Variants in ARHGAP28 observed in about 807,000 individuals in gnomAD.
ARHGAP28 encodes the protein Rho GTPase activating protein 28, also known as rho GTPase-activating protein 28.
ARHGAP28 carries 56 observed loss-of-function variants against 90.7 expected under a neutral mutation model. The observed-to-expected ratio is 0.62, with a 90% CI of 0.50 to 0.77. The LOEUF (loss-of-function observed/expected upper bound fraction) is 0.77. Ranked by LOEUF, ARHGAP28 falls within the 30% of genes least tolerant of loss-of-function variation. The probability of loss-of-function intolerance (pLI) is 0.00; values close to 1 mark genes in which losing one functional copy is unlikely to be tolerated. For missense variants in ARHGAP28, 869 were observed against 900.9 expected, an observed-to-expected ratio of 0.96 and a Z score of 0.45; for synonymous variants, 308 against 323.3, an observed-to-expected ratio of 0.95 and a Z score of 0.51.
intron 2 of ARHGAP28, among the ~76,000 whole-genome samples, chr18:6,826,683 C>CTTTTTTTTTTTTTT (rs36069648): frequency 2.3e-5 from 2 of 88,262 alleles, no homozygotes; most frequent in Non-Finnish European, 2.0e-5. Flanking sequence ...GGATTTTGAG[C>CTTTTTTTTTTTTTT]TTTTTTTTTT....
chr18:6,796,827 CAT>C (rs200173634), intron 1 of ARHGAP28, among the ~76,000 whole-genome samples: 6 of 152,096 alleles, frequency 3.9e-5, no homozygotes, highest in African/African-American at 1.2e-4. Context: ...TGTGTACACA[CAT>C]ACACACACTT....
At chr18:6,901,899 ACT>A (rs1322555146) in intron 16 of ARHGAP28, among the ~76,000 whole-genome samples, 3 of 152,224 alleles carry the variant, frequency 2.0e-5, no homozygotes, top group South Asian at 4.2e-4. Context: ...AGCAGGAGAA[ACT>A]CTGCCATGCC....
chr18:6,808,759 A>G (rs1481863292), intron 1 of ARHGAP28, among the ~76,000 whole-genome samples: 1 of 152,174 alleles, frequency 6.6e-6, no homozygotes, highest in African/African-American at 2.4e-5. Context: ...TCCACTTGAT[A>G]TATATATTTT....
At chr18:6,797,628 A>C (rs781768092) in intron 1 of ARHGAP28, among the ~76,000 whole-genome samples, 3 of 151,728 alleles carry the variant, frequency 2.0e-5, no homozygotes, top group Admixed American at 6.6e-5. Flanking sequence ...GGAACTAGAG[A>C]ACAGTGATTA....
At chr18:6,751,142 G>A (rs1438973780) in intron 1 of ARHGAP28, among the ~76,000 whole-genome samples, 2 of 152,158 alleles carry the variant, frequency 1.3e-5, no homozygotes, top group East Asian at 3.9e-4. Context: ...GGCAATGTAT[G>A]ATTTTTTTTA....
In ARHGAP28 at chr18:6,836,393, G is replaced by A. The variant is rs74637286; in HGVS notation, c.326-804G>A. Among the ~76,000 whole-genome samples the A allele has an allele frequency of 3.3e-5, 5 of 152,062 alleles. No homozygotes were observed. In the South Asian group the frequency reaches 1.0e-3, roughly 32 times the overall value. ...TAGGATCCAAGCATTACCCAAGCAGGTTTCCCACCAGGAGTCCTAATTGGT... is the reference window on the plus strand; with the variant it reads ...TAGGATCCAAGCATTACCCAAGCAGATTTCCCACCAGGAGTCCTAATTGGT... On this transcript the variant is annotated intron_variant, in intron 2 of 17. Transcript: ENST00000383472.
At chr18:6,752,747 A>T (rs374526968) in intron 1 of ARHGAP28, among the ~76,000 whole-genome samples, 10 of 152,218 alleles carry the variant, frequency 6.6e-5, no homozygotes, top group East Asian at 3.9e-4. Flanking sequence ...CTCTCAGCTT[A>T]AGAGTATGGA....
At chr18:6,854,538 A>G (rs1567971307) in intron 4 of ARHGAP28, among the ~76,000 whole-genome samples, 1 of 152,128 alleles carries the variant, frequency 6.6e-6, no homozygotes, top group Non-Finnish European at 1.5e-5. Context: ...AAGAGCACAT[A>G]TTGGATGCTT....
intron 1 of ARHGAP28, among the ~76,000 whole-genome samples, chr18:6,757,895 C>T (rs1179231613): frequency 3.3e-5 from 5 of 152,082 alleles, no homozygotes; most frequent in Non-Finnish European, 5.9e-5. Context: ...CAGCACTGCC[C>T]CAGAAGATAA....
chr18:6,888,380 G>A (rs1254312904), intron 12 of ARHGAP28, among the ~76,000 whole-genome samples: 2 of 152,074 alleles, frequency 1.3e-5, no homozygotes, highest in African/African-American at 2.4e-5. Flanking sequence ...TTTGAGGCCA[G>A]TAAACATAAT....
At chr18:6,773,634 C>G (rs963917860) in intron 1 of ARHGAP28, among the ~76,000 whole-genome samples, 1 of 152,156 alleles carries the variant, frequency 6.6e-6, no homozygotes, top group Non-Finnish European at 1.5e-5. Context: ...CGTGGTTTCT[C>G]TCTGCATTGC....
intron 3 of ARHGAP28, among the ~76,000 whole-genome samples, chr18:6,841,163 CTCTCCTCTCTCT>C: frequency 1.0e-5 from 1 of 95,518 alleles, no homozygotes; most frequent in Non-Finnish European, 2.3e-5. Flanking sequence ...CTCTTTCTCT[CTCTCCTCTCTCT>C]CTCTCCTCTC....
intron 1 of ARHGAP28, among the ~76,000 whole-genome samples, chr18:6,778,435 T>C (rs1567944347): frequency 2.6e-5 from 4 of 152,212 alleles, no homozygotes; most frequent in African/African-American, 4.8e-5. Flanking sequence ...AGCAGCTTTT[T>C]AGCAATGGTC....
chr18:6,816,097 A>G (rs2056588911), intron 1 of ARHGAP28, among the ~76,000 whole-genome samples: 1 of 152,138 alleles, frequency 6.6e-6, no homozygotes, highest in African/African-American at 2.4e-5. Context: ...TTCCTCTAAG[A>G]GGGATGAGGC....
intron 1 of ARHGAP28, among the ~76,000 whole-genome samples, chr18:6,797,028 A>G (rs190581207): frequency 8.1e-4 from 123 of 152,342 alleles, no homozygotes; most frequent in Admixed American, 3.5e-3. Context: ...AGAGGGAGAA[A>G]TTTATATGTA....
At chr18:6,732,591 T>C (rs2055891885) in intron 1 of ARHGAP28, among the ~76,000 whole-genome samples, 1 of 152,224 alleles carries the variant, frequency 6.6e-6, no homozygotes, top group African/African-American at 2.4e-5. Context: ...TGGGGGCTGC[T>C]GTGCTTGTTT....
At chr18:6,741,191 T>C (rs537073763) in intron 1 of ARHGAP28, among the ~76,000 whole-genome samples, 1 of 152,250 alleles carries the variant, frequency 6.6e-6, no homozygotes, top group Middle Eastern at 3.4e-3. Flanking sequence ...CTCAACAGAG[T>C]AAGCAATTAA....
chr18:6,893,467 A>T (rs184093978), intron 14 of ARHGAP28, among the ~76,000 whole-genome samples: 36 of 152,340 alleles, frequency 2.4e-4, no homozygotes, highest in African/African-American at 8.7e-4. Flanking sequence ...AGTTTTTGCC[A>T]GTTCATCCAT....
At chr18:6,887,858 TA>T (rs774104433) in intron 12 of ARHGAP28, among the ~76,000 whole-genome samples, 1 of 152,218 alleles carries the variant, frequency 6.6e-6, no homozygotes, top group Non-Finnish European at 1.5e-5. Context: ...AACAATGTCA[TA>T]AGTCAATAAG....
Sources: allele counts gnomAD v4.1 joint callset (sites outside exome capture counted in the v4.1 genomes callset), GRCh38; gene constraint gnomAD v4.1.1; transcripts MANE v1.5; gene names NCBI Gene and HGNC (gene_info 2026-07-23, HGNC 2026-07-21).